CLSTN2: variants seen among roughly 807,000 people sequenced by gnomAD.
CLSTN2 encodes calsyntenin 2.
A neutral mutation model predicts 101.2 loss-of-function variants in CLSTN2; 48 were observed. The observed-to-expected ratio is 0.47, with a 90% CI of 0.38 to 0.60. The LOEUF is 0.60. Among genes scored for constraint, CLSTN2 ranks in the 20% least tolerant of loss-of-function variants. The pLI, the probability that CLSTN2 is intolerant of heterozygous loss-of-function variation, is 0.00. For synonymous variants in CLSTN2, 481 were observed against 463.6 expected, an observed-to-expected ratio of 1.04 and a Z score of -0.48; for missense variants, 1,160 against 1,238.2, an observed-to-expected ratio of 0.94 and a Z score of 0.95.
At chr3:140,147,124 T>C (rs1171331565) in intron 1 of CLSTN2, among the ~76,000 whole-genome samples, 2 of 152,182 alleles carry the variant, frequency 1.3e-5, no homozygotes, top group African/African-American at 4.8e-5. Context: ...GTCCAATAGA[T>C]AGTAACAAGG....
intron 9 of CLSTN2, among the ~76,000 whole-genome samples, chr3:140,545,325 A>G (rs1410830445): frequency 6.6e-6 from 1 of 152,166 alleles, no homozygotes; most frequent in African/African-American, 2.4e-5. Context: ...TGCTGGCAGC[A>G]AAGAGGGCTG....
intron 1 of CLSTN2, among the ~76,000 whole-genome samples, chr3:139,964,520 G>A (rs1935562015): frequency 6.6e-6 from 1 of 152,148 alleles, no homozygotes; most frequent in Admixed American, 6.5e-5. Context: ...CTGGAAGGGG[G>A]AAGAGGGCCT....
At chr3:140,145,012 T>G (rs1461283374) in intron 1 of CLSTN2, among the ~76,000 whole-genome samples, 1 of 152,258 alleles carries the variant, frequency 6.6e-6, no homozygotes, top group Non-Finnish European at 1.5e-5. Flanking sequence ...TGGGCCCTTA[T>G]GTACTCATTG....
chr3:139,978,382 T>C (rs2107822313), intron 1 of CLSTN2, among the ~76,000 whole-genome samples: 1 of 152,314 alleles, frequency 6.6e-6, no homozygotes, highest in Non-Finnish European at 1.5e-5. Context: ...AGAATGAGCG[T>C]GTAAACTTCA....
intron 1 of CLSTN2, among the ~76,000 whole-genome samples, chr3:140,088,899 T>C (rs943183638): frequency 6.6e-6 from 1 of 152,240 alleles, no homozygotes; most frequent in Non-Finnish European, 1.5e-5. Flanking sequence ...TTTCAACTTA[T>C]TTCACTGGAT....
chr3:140,056,577 C>T (rs766018267), intron 1 of CLSTN2, among the ~76,000 whole-genome samples: 3 of 152,066 alleles, frequency 2.0e-5, no homozygotes, highest in Non-Finnish European at 4.4e-5. Flanking sequence ...AAAACATGAA[C>T]TGAAGGATAG....
chr3:140,407,501 C>G (rs529633855), intron 4 of CLSTN2, among the ~76,000 whole-genome samples: 2 of 152,248 alleles, frequency 1.3e-5, no homozygotes, highest in South Asian at 4.1e-4. Context: ...CAGTCCTTAC[C>G]CCATTGTGGG....
Position 139,935,822 on chromosome 3 carries a change from G to T in CLSTN2, c.109+339G>T, listed in dbSNP as rs1474559528. ...CCAGGGACGGCTAGAGCAGGGCGCT[G>T]GCGCGCCGTGGGGACAAGCAGGTGT... is the stretch of plus-strand genomic sequence containing the variant. On this transcript the variant is annotated intron_variant, in intron 1 of 16. Coordinates refer to ENST00000458420, the MANE Select transcript of CLSTN2 (RefSeq NM_022131.3). This position sits in a 1 kb window ranked among gnomAD's most constrained non-coding sequence, Gnocchi z 5.5. Among the ~76,000 whole-genome samples, 2 of 152,146 alleles carry T rather than the reference G, an allele frequency of 1.3e-5. No individual in the cohort carries two copies. The highest frequency in any genetic ancestry group is 6.5e-5 in the Admixed American group (1 of 15,284).
chr3:140,308,039 G>A (rs761334560), intron 2 of CLSTN2, among the ~76,000 whole-genome samples: 50 of 152,264 alleles, frequency 3.3e-4, no homozygotes, highest in Non-Finnish European at 5.9e-4. Context: ...ATGAACCACA[G>A]CACCTCCTCC....
intron 2 of CLSTN2, among the ~76,000 whole-genome samples, chr3:140,241,102 T>G (rs1264455288): frequency 6.6e-6 from 1 of 152,208 alleles, no homozygotes; most frequent in Non-Finnish European, 1.5e-5. Context: ...CTGTTCTTAA[T>G]ATTTTTAGAA....
chr3:140,130,714 C>A (rs1238326900), intron 1 of CLSTN2, among the ~76,000 whole-genome samples: 2 of 152,090 alleles, frequency 1.3e-5, no homozygotes, highest in Non-Finnish European at 2.9e-5. Context: ...GGCTCCTGAC[C>A]CAGCCTGAAG....
At chr3:140,030,946 G>A (rs1177377705) in intron 1 of CLSTN2, among the ~76,000 whole-genome samples, 1 of 152,172 alleles carries the variant, frequency 6.6e-6, no homozygotes, top group Non-Finnish European at 1.5e-5. Flanking sequence ...AGATGAATGG[G>A]CACATTTCCT....
At chr3:140,159,698 A>G (rs1223369408) in intron 1 of CLSTN2, among the ~76,000 whole-genome samples, 1 of 152,140 alleles carries the variant, frequency 6.6e-6, no homozygotes, top group Non-Finnish European at 1.5e-5. Flanking sequence ...CATTCTACCA[A>G]AAAGACACAC....
intron 1 of CLSTN2, among the ~76,000 whole-genome samples, chr3:140,073,296 AAC>A (rs1331262944): frequency 6.6e-6 from 1 of 152,198 alleles, no homozygotes; most frequent in Non-Finnish European, 1.5e-5. Flanking sequence ...CAACTCCAAA[AAC>A]ACAGCCACAT....
In CLSTN2 at chr3:140,448,535, T is replaced by C. The variant is rs1933150798; in HGVS notation, c.804T>C (p.Ile268=). 3.7e-6 allele frequency: 6 copies of C among 1,613,976 alleles called. No homozygotes were observed. Among genetic ancestry groups the C allele is most frequent in the Non-Finnish European group, 5.1e-6 (6 of 1,179,888 alleles). ...TTTGTTTAGACTGGACCAAGAGGAT[T>C]GAGTACCAGCCTGGCTCCGGGAGCA... is the stretch of plus-strand genomic sequence containing the variant. ...KPGWQDWTKR[I]EYQPGSGSMP... is the part of the protein sequence containing the mutation. Residue 268 remains isoleucine (I), a synonymous_variant, in exon 6 of 17, where the codon ATT becomes ATC. Transcript: ENST00000458420.
At chr3:139,971,211 GAGGAGCTTCAGTGCTTTGC>G (rs1288283540) in intron 1 of CLSTN2, among the ~76,000 whole-genome samples, 1 of 152,192 alleles carries the variant, frequency 6.6e-6, no homozygotes, top group East Asian at 1.9e-4. Flanking sequence ...GAGGGATATT[GAGGAGCTTCAGTGCTTTGC>G]AGGGCTGGAG....
chr3:140,372,464 G>T (rs1224432809), intron 2 of CLSTN2, among the ~76,000 whole-genome samples: 1 of 152,188 alleles, frequency 6.6e-6, no homozygotes, highest in African/African-American at 2.4e-5. Context: ...GATGAGCAAA[G>T]TATCCCTTCT....
intron 1 of CLSTN2, among the ~76,000 whole-genome samples, chr3:139,964,372 G>A (rs757150445): frequency 2.4e-4 from 36 of 152,120 alleles, no homozygotes; most frequent in Admixed American, 3.9e-4. Context: ...GTTGGAGGTC[G>A]GTGCAAGTGT....
At position 140,459,378 on chromosome 3, in the gene CLSTN2, C is replaced by T. The variant is rs565595505; in HGVS notation, c.974-143C>T. ...GGGGCTGGAACAGCATTTAGCACTT[C>T]TTTTCCTAAGTCACATAGCTCATGG... is the stretch of plus-strand genomic sequence containing the variant. On this transcript the variant is annotated intron_variant, in intron 6 of 16. Transcript: ENST00000458420. 24 of 929,640 alleles carry T rather than the reference C, an allele frequency of 2.6e-5. No individual in the cohort carries two copies. In the South Asian group the frequency reaches 3.4e-4, roughly 13 times the overall value. The allele number at this position is 929,640 out of a possible 1,614,324, so 57.6% of individuals were successfully genotyped here. A position where few individuals can be genotyped will look rare whatever the true frequency, so the allele number is the denominator to read the frequency against.
Sources: allele counts gnomAD v4.1 joint callset (sites outside exome capture counted in the v4.1 genomes callset), GRCh38; gene constraint gnomAD v4.1.1; non-coding constraint Gnocchi (gnomAD v3.1); transcripts MANE v1.5; gene names NCBI Gene and HGNC (gene_info 2026-07-23, HGNC 2026-07-21).